The following GNA11 variants were observed in gnomAD, a reference collection of about 807,000 sequenced individuals.
The protein encoded by GNA11 is guanine nucleotide-binding protein subunit alpha-11.
GNA11 carries 8 observed loss-of-function variants against 38.2 expected under a neutral mutation model. The ratio of observed to expected loss-of-function variants is 0.21; its 90% CI spans 0.12 to 0.38. The LOEUF (loss-of-function observed/expected upper bound fraction) is 0.38, where lower values mean the gene tolerates loss of function less well. GNA11 is among the 10% of genes least tolerant of loss of function. The probability of loss-of-function intolerance (pLI) is 1.00; values close to 1 mark genes in which losing one functional copy is unlikely to be tolerated. For synonymous variants in GNA11, 211 were observed against 221.4 expected, an observed-to-expected ratio of 0.95 and a Z score of 0.42; for missense variants, 268 against 516.3, an observed-to-expected ratio of 0.52 and a Z score of 4.66.
intron 1 of GNA11, among the ~76,000 whole-genome samples, chr19:3,103,688 G>A (rs1913564056): frequency 6.6e-6 from 1 of 151,012 alleles, no homozygotes; most frequent in Non-Finnish European, 1.5e-5. Context: ...GCCACACCCA[G>A]CTAATTTTTT....
chr19:3,110,573 A>G lies in GNA11; in HGVS notation c.321+240A>G, dbSNP rs987852856. Among the ~76,000 whole-genome samples, 8 of 152,020 alleles carry G rather than the reference A, an allele frequency of 5.3e-5. No homozygotes were observed. The highest frequency in any genetic ancestry group is 9.7e-5 in the African/African-American group (4 of 41,398). On this transcript the variant is annotated intron_variant, in intron 2 of 6. Coordinates refer to ENST00000078429, the MANE Select transcript of GNA11 (RefSeq NM_002067.5). This position sits in a 1 kb window ranked among gnomAD's most constrained non-coding sequence, Gnocchi z 5.4. ...AAGCCCCACAGCCTCCCTCCCAAGT[A>G]GCTGTGGGCGCCCACATCCTGTGGG... is the stretch of plus-strand genomic sequence containing the variant.
In GNA11 at chr19:3,115,954, C is replaced by T. The variant is rs546005925; in HGVS notation, c.605+882C>T. Among the ~76,000 whole-genome samples the T allele has an allele frequency of 3.7e-4, 32 of 87,346 alleles. No homozygotes were observed. The East Asian group carries it at 8.8e-3, about 24-fold the overall frequency. 57.3% of individuals were successfully genotyped at this position (87,346 alleles called of 152,430 possible). ...CCGAGGCTGTGAGGGGAGGAGGGGT[C>T]GTGGGGACCGAGGCTTTGAGGGGAG... On this transcript the variant is annotated intron_variant, in intron 4 of 6. Coordinates refer to ENST00000078429, the MANE Select transcript of GNA11 (RefSeq NM_002067.5).
intron 2 of GNA11, among the ~76,000 whole-genome samples, chr19:3,112,871 C>T (rs1295600535): frequency 6.6e-6 from 1 of 152,258 alleles, no homozygotes; most frequent in Non-Finnish European, 1.5e-5. Context: ...TTGCAACGTC[C>T]TGTGACTGGG....
rs1303267344 is a variant in GNA11, at chr19:3,110,111, C to A, written c.137-38C>A. 2.0e-6 allele frequency: 3 copies of A among 1,531,296 alleles called. No homozygotes were observed. Among genetic ancestry groups the A allele is most frequent in the Non-Finnish European group, 2.7e-6 (3 of 1,129,202 alleles). 94.9% of individuals were successfully genotyped at this position (1,531,296 alleles called of 1,614,324 possible). ...GGGGGCAGCAGCACGAGAGTCAGGC[C>A]CCGGCTGCCGCCCGCCCTCACGTGC... On this transcript the variant is annotated intron_variant, in intron 1 of 6. Coordinates refer to ENST00000078429, the MANE Select transcript of GNA11 (RefSeq NM_002067.5). The surrounding 1 kb of genome is among the most constrained non-coding windows in gnomAD (Gnocchi z 5.4).
rs529033922 is a variant in GNA11, at chr19:3,119,719, C to T, written c.889+360C>T. On this transcript the variant is annotated intron_variant, in intron 6 of 6. Transcript: ENST00000078429. This position sits in a 1 kb window ranked among gnomAD's most constrained non-coding sequence, Gnocchi z 4.6. ...GAGTCTTGTATTGGTGGGTCTTGTA[C>T]GGGAGGGAGTTGTCGTATGGGGGTG... Among the ~76,000 whole-genome samples, 23 of 150,952 alleles carry T rather than the reference C, an allele frequency of 1.5e-4. No homozygotes were observed. Among genetic ancestry groups the T allele is most frequent in the Admixed American group, 1.2e-3 (18 of 15,138 alleles).
In GNA11 at chr19:3,108,226, G is replaced by A. The variant is rs1292555129; in HGVS notation, c.137-1923G>A. On this transcript the variant is annotated intron_variant, in intron 1 of 6. Coordinates refer to ENST00000078429, the MANE Select transcript of GNA11 (RefSeq NM_002067.5). This position sits in a 1 kb window ranked among gnomAD's most constrained non-coding sequence, Gnocchi z 4.5. ...CTGTGGCCACCGTGGGACACATGCAGCCTGTCTCATCTCTAGGAGCTGCCA... is the reference window on the plus strand; with the variant it reads ...CTGTGGCCACCGTGGGACACATGCAACCTGTCTCATCTCTAGGAGCTGCCA... 6.6e-6 allele frequency among the ~76,000 whole-genome samples: 1 copy of A among 152,202 alleles called. No homozygotes were observed.
intron 1 of GNA11, among the ~76,000 whole-genome samples, chr19:3,099,966 C>T (rs1913461913): frequency 6.6e-6 from 1 of 151,112 alleles, no homozygotes; most frequent in East Asian, 1.9e-4. Flanking sequence ...GGTGAGGACT[C>T]GGTGGTGATC....
chr19:3,103,517 A>ATTTTTTT (rs1568280006), intron 1 of GNA11, among the ~76,000 whole-genome samples: 8 of 60,338 alleles, frequency 1.3e-4, no homozygotes, highest in Admixed American at 1.9e-4. Context: ...CCGGCCTTGA[A>ATTTTTTT]TCTTTTTTTT....
intron 4 of GNA11, chr19:3,117,316 G>A (rs1599306463): frequency 6.6e-6 from 1 of 152,508 alleles, no homozygotes; most frequent in East Asian, 1.9e-4. Flanking sequence ...CCCTCCCTGA[G>A]CTGAGCTCAG....
chr19:3,106,595 G>T lies in GNA11; in HGVS notation c.137-3554G>T, dbSNP rs553876899. 4.3e-4 allele frequency among the ~76,000 whole-genome samples: 66 copies of T among 152,266 alleles called. 2 individuals carry two copies. The South Asian group carries it at 0.013, about 31-fold the overall frequency. On this transcript the variant is annotated intron_variant, in intron 1 of 6. Transcript: ENST00000078429. ...CTGCAACCTCTCCTGGCTTTGGTGG[G>T]TTATGTGGGAGACACGAGTGGCTTC...
intron 1 of GNA11, among the ~76,000 whole-genome samples, chr19:3,097,375 C>CGG (rs2145303299): frequency 6.6e-6 from 1 of 152,278 alleles, no homozygotes; most frequent in East Asian, 1.9e-4. Flanking sequence ...CCATGGCTCC[C>CGG]GTACAGCGTT....
intron 4 of GNA11, among the ~76,000 whole-genome samples, chr19:3,115,852 G>A (rs1396156360): frequency 7.0e-6 from 1 of 142,240 alleles, no homozygotes; most frequent in Non-Finnish European, 1.5e-5. Flanking sequence ...TGGGGAGGAG[G>A]GGTCATAGGG....
At chr19:3,116,225 C>T (rs1913917638) in intron 4 of GNA11, among the ~76,000 whole-genome samples, 1 of 152,146 alleles carries the variant, frequency 6.6e-6, no homozygotes, top group Non-Finnish European at 1.5e-5. Flanking sequence ...AACGTGGACC[C>T]TGCCTGCCTG....
chr19:3,104,066 C>T (rs1049957453), intron 1 of GNA11, among the ~76,000 whole-genome samples: 1 of 152,146 alleles, frequency 6.6e-6, no homozygotes, highest in Non-Finnish European at 1.5e-5. Flanking sequence ...AAATGATCCA[C>T]CTGCCTCGGC....
intron 4 of GNA11, chr19:3,118,344 C>T (rs1340150529): frequency 6.6e-6 from 1 of 152,620 alleles, no homozygotes; most frequent in African/African-American, 2.4e-5. Flanking sequence ...TTTTCTTTCT[C>T]CCGCCTGTGC....
chr19:3,122,679 G>A lies in GNA11; in HGVS notation c.*1500G>A, dbSNP rs1313489603. The A allele has an allele frequency of 1.7e-5, 4 of 233,400 alleles. No homozygotes were observed. The highest frequency in any genetic ancestry group is 1.1e-4 in the Admixed American group (2 of 17,790). The allele number at this position is 233,400 out of a possible 1,614,324, so 14.5% of individuals were successfully genotyped here. On this transcript the variant is annotated 3_prime_UTR_variant, in exon 7 of 7. Coordinates refer to ENST00000078429, the MANE Select transcript of GNA11 (RefSeq NM_002067.5). This position sits in a 1 kb window ranked among gnomAD's most constrained non-coding sequence, Gnocchi z 7.7. ...TGGATCGCCTGTGCTGCCTTCGCCC[G>A]CCGCCACACCGGGACCCTGCACGGC...
chr19:3,109,734 G>A (rs749166934), intron 1 of GNA11, among the ~76,000 whole-genome samples: 15 of 152,322 alleles, frequency 9.8e-5, no homozygotes, highest in African/African-American at 2.9e-4. Context: ...GGGCACCGCC[G>A]CCACGTCTGT....
In GNA11 at chr19:3,094,934, C is replaced by T; in HGVS notation, c.136+147C>T. 1.9e-6 allele frequency: 1 copy of T among 514,268 alleles called. No individual in the cohort carries two copies. The highest frequency in any genetic ancestry group is 3.3e-6 in the Non-Finnish European group (1 of 305,374). 31.9% of individuals were successfully genotyped at this position (514,268 alleles called of 1,614,324 possible). A position where few individuals can be genotyped will look rare whatever the true frequency, so the allele number is the denominator to read the frequency against. On this transcript the variant is annotated intron_variant, in intron 1 of 6. Transcript: ENST00000078429. This position sits in a 1 kb window ranked among gnomAD's most constrained non-coding sequence, Gnocchi z 6.0. ...CCCTCCGGGGTCAGCCCTGCCTGTG[C>T]CTTCCCTGCCTGTCCGGGTCGCGGG...
At chr19:3,102,169 C>T (rs753041921) in intron 1 of GNA11, among the ~76,000 whole-genome samples, 6 of 152,138 alleles carry the variant, frequency 3.9e-5, no homozygotes, top group South Asian at 4.1e-4. Flanking sequence ...TGACACCATC[C>T]GCTTCCAGTG....
Sources: allele counts gnomAD v4.1 joint callset (sites outside exome capture counted in the v4.1 genomes callset), GRCh38; gene constraint gnomAD v4.1.1; non-coding constraint Gnocchi (gnomAD v3.1); transcripts MANE v1.5; gene names NCBI Gene and HGNC (gene_info 2026-07-23, HGNC 2026-07-21).